Variants in MAPKAP1 observed in about 807,000 individuals in gnomAD.
MAPKAP1 encodes the protein MAPK associated protein 1, also known as target of rapamycin complex 2 subunit MAPKAP1.
In MAPKAP1, 20 loss-of-function variants were observed where a neutral mutation model predicts 65.7. That is an observed-to-expected ratio of 0.30 (90% CI 0.21 to 0.44). MAPKAP1 has a LOEUF of 0.44. Among genes scored for constraint, MAPKAP1 ranks in the 20% least tolerant of loss-of-function variants. The pLI is 1.00. For synonymous variants in MAPKAP1, 222 were observed against 244.3 expected, an observed-to-expected ratio of 0.91 and a Z score of 0.85; for missense variants, 423 against 648.0, an observed-to-expected ratio of 0.65 and a Z score of 3.77.
chr9:125,535,618 C>T (rs1311122362), intron 7 of MAPKAP1, among the ~76,000 whole-genome samples: 3 of 152,120 alleles, frequency 2.0e-5, no homozygotes, highest in African/African-American at 7.2e-5. Flanking sequence ...TTGAGGAAAG[C>T]GAGGCTTAGA....
chr9:125,556,600 C>T (rs117086456), intron 6 of MAPKAP1, among the ~76,000 whole-genome samples: 3,922 of 152,308 alleles, frequency 0.026, 80 homozygotes, highest in South Asian at 0.057. Flanking sequence ...TTGCCTCTTT[C>T]TGTTTCAGCT....
At chr9:125,704,798 C>G (rs1285000004) in intron 1 of MAPKAP1, among the ~76,000 whole-genome samples, 1 of 152,164 alleles carries the variant, frequency 6.6e-6, no homozygotes, top group East Asian at 1.9e-4. Context: ...AGCATTATAC[C>G]TTTGTATCTT....
intron 9 of MAPKAP1, among the ~76,000 whole-genome samples, chr9:125,478,675 T>C (rs1377075819): frequency 6.6e-6 from 1 of 152,180 alleles, no homozygotes; most frequent in Non-Finnish European, 1.5e-5. Context: ...ACCTGTGGTA[T>C]GACAGATTGG....
chr9:125,640,624 A>G (rs1451747685), intron 4 of MAPKAP1, among the ~76,000 whole-genome samples: 2 of 152,226 alleles, frequency 1.3e-5, no homozygotes, highest in Non-Finnish European at 2.9e-5. Context: ...CCATAATACT[A>G]TGTAATTCTA....
At chr9:125,537,778 G>C (rs1378932752) in intron 7 of MAPKAP1, among the ~76,000 whole-genome samples, 1 of 152,190 alleles carries the variant, frequency 6.6e-6, no homozygotes, top group Non-Finnish European at 1.5e-5. Context: ...TACTGTGCCT[G>C]ACTAAAATAC....
chr9:125,560,281 T>A (rs775745372), intron 5 of MAPKAP1, among the ~76,000 whole-genome samples: 3 of 152,166 alleles, frequency 2.0e-5, no homozygotes, highest in Non-Finnish European at 4.4e-5. Flanking sequence ...CTTTGATTTA[T>A]GGTTAGGATT....
chr9:125,671,284 G>A (rs1339939678), intron 2 of MAPKAP1, among the ~76,000 whole-genome samples: 2 of 152,156 alleles, frequency 1.3e-5, no homozygotes, highest in Admixed American at 6.5e-5. Flanking sequence ...TTTTCATCAT[G>A]AGAGCAAATT....
chr9:125,676,375 T>C lies in MAPKAP1; in HGVS notation c.-69-3732A>G, dbSNP rs1205182057. 3.3e-5 allele frequency among the ~76,000 whole-genome samples: 5 copies of C among 152,288 alleles called. 2 individuals carry two copies. The South Asian group carries it at 8.3e-4, about 25-fold the overall frequency. On this transcript the variant is annotated intron_variant, in intron 1 of 11. Coordinates refer to ENST00000265960, the MANE Select transcript of MAPKAP1 (RefSeq NM_001006617.3). Reference sequence around the variant, plus strand: ...CACATACAAACAACACAATACTAAGTAGCGATTAACAATACATGGTAGAGG... The same window carrying C: ...CACATACAAACAACACAATACTAAGCAGCGATTAACAATACATGGTAGAGG...
chr9:125,601,141 A>G (rs567406996), intron 4 of MAPKAP1, among the ~76,000 whole-genome samples: 2 of 146,762 alleles, frequency 1.4e-5, no homozygotes, highest in African/African-American at 4.9e-5. Flanking sequence ...ATTTGACTCC[A>G]TTACTAGATG....
intron 4 of MAPKAP1, among the ~76,000 whole-genome samples, chr9:125,640,120 T>G (rs536863529): frequency 6.6e-6 from 1 of 152,310 alleles, no homozygotes; most frequent in East Asian, 1.9e-4. Context: ...CCCTTTTTTT[T>G]TGAGACGGAG....
chr9:125,468,283 T>C (rs1173091058), intron 9 of MAPKAP1, among the ~76,000 whole-genome samples, 174 bp from the exon 10 acceptor site: 1 of 151,846 alleles, frequency 6.6e-6, no homozygotes, highest in Non-Finnish European at 1.5e-5. Context: ...ACACTCCAAA[T>C]GGCACACACA....
At chr9:125,631,767 A>G (rs1478843137) in intron 4 of MAPKAP1, among the ~76,000 whole-genome samples, 1 of 152,098 alleles carries the variant, frequency 6.6e-6, no homozygotes, top group Non-Finnish European at 1.5e-5. Flanking sequence ...ATTTACCAGC[A>G]TCTCTCACCT....
chr9:125,521,724 G>A, intron 7 of MAPKAP1: 1 of 1,612,632 alleles, frequency 6.2e-7, no homozygotes. Context: ...CCTTAACACA[G>A]CCTTGACAGC....
At chr9:125,473,147 G>A (rs1331909977) in intron 9 of MAPKAP1, among the ~76,000 whole-genome samples, 2 of 151,512 alleles carry the variant, frequency 1.3e-5, no homozygotes, top group Non-Finnish European at 2.9e-5. Context: ...TATGCCAGGG[G>A]TTGCGCTGCT....
chr9:125,698,334 T>TATAA lies in MAPKAP1; in HGVS notation c.-70+8633_-70+8636dup, dbSNP rs1554845697. Reference sequence around the variant, plus strand: ...ATATATATATATATATATATATATATATAAAATATATATATTTTTTGAGAT... The same window carrying TATAA: ...ATATATATATATATATATATATATATATAAATAAAATATATATATTTTTTGAGAT... On this transcript the variant is annotated intron_variant, in intron 1 of 11. Coordinates refer to ENST00000265960, the MANE Select transcript of MAPKAP1 (RefSeq NM_001006617.3). Among the ~76,000 whole-genome samples the TATAA allele has an allele frequency of 4.8e-4, 54 of 112,220 alleles. 1 individual carries two copies. Among genetic ancestry groups the TATAA allele is most frequent in the South Asian group, 5.7e-4 (2 of 3,488 alleles). 73.6% of individuals were successfully genotyped at this position (112,220 alleles called of 152,430 possible).
chr9:125,652,871 C>T (rs903810558), intron 4 of MAPKAP1, among the ~76,000 whole-genome samples: 5 of 152,118 alleles, frequency 3.3e-5, no homozygotes, highest in African/African-American at 1.2e-4. Flanking sequence ...CCGTTTTCAC[C>T]CTCTCTGCTG....
At chr9:125,507,916 C>T (rs183177475) in intron 7 of MAPKAP1, among the ~76,000 whole-genome samples, 264 of 152,186 alleles carry the variant, frequency 1.7e-3, no homozygotes, top group African/African-American at 5.4e-3. Context: ...GCCCCCTTAG[C>T]GATTCTCCCA....
chr9:125,611,711 A>G (rs911969238), intron 4 of MAPKAP1, among the ~76,000 whole-genome samples: 4 of 152,248 alleles, frequency 2.6e-5, no homozygotes, highest in African/African-American at 9.6e-5. Flanking sequence ...GGAAAACTTC[A>G]CTAGAGTTAA....
rs552657480 is a variant in MAPKAP1, at chr9:125,502,509, G to A, written c.1066+3801C>T. On this transcript the variant is annotated intron_variant, in intron 8 of 11. Coordinates refer to ENST00000265960, the MANE Select transcript of MAPKAP1 (RefSeq NM_001006617.3). ...AATGTCAAATTTTCATTATCTTTCA[G>A]TCAAAATACTTTCTAATTTCTATTA... Among the ~76,000 whole-genome samples the A allele has an allele frequency of 4.6e-5, 7 of 152,190 alleles. No individual in the cohort carries two copies. The South Asian group carries it at 6.2e-4, about 14-fold the overall frequency.
Sources: allele counts gnomAD v4.1 joint callset (sites outside exome capture counted in the v4.1 genomes callset), GRCh38; gene constraint gnomAD v4.1.1; transcripts MANE v1.5; gene names NCBI Gene and HGNC (gene_info 2026-07-23, HGNC 2026-07-21).